The following TTC28 variants were observed in gnomAD, a reference collection of about 807,000 sequenced individuals.
TTC28 encodes tetratricopeptide repeat protein 28.
In TTC28, 61 loss-of-function variants were observed where a neutral mutation model predicts 198.0. That is an observed-to-expected ratio of 0.31 (90% confidence interval 0.25 to 0.38). The LOEUF is 0.38. Ranked by LOEUF, TTC28 falls within the 10% of genes least tolerant of loss-of-function variation. The pLI is 1.00. For missense variants in TTC28, 2,678 were observed against 3,164.0 expected (o/e 0.85, Z 3.69); for synonymous variants, 1,171 against 1,297.8 (o/e 0.90, Z 2.10).
chr22:28,168,002 T>C (rs1015878813), intron 5 of TTC28, among the ~76,000 whole-genome samples: 26 of 152,124 alleles, frequency 1.7e-4, no homozygotes, highest in Middle Eastern at 3.2e-3. Flanking sequence ...TGTGCAAAAA[T>C]CACAAGCATT....
intron 2 of TTC28, among the ~76,000 whole-genome samples, chr22:28,526,567 T>G (rs2049007998): frequency 6.6e-6 from 1 of 152,096 alleles, no homozygotes; most frequent in Non-Finnish European, 1.5e-5. Context: ...AGAACCTAAG[T>G]AGAACGCCCA....
chr22:28,530,742 G>A (rs939160196), intron 2 of TTC28, among the ~76,000 whole-genome samples: 3 of 152,180 alleles, frequency 2.0e-5, no homozygotes, highest in Admixed American at 6.5e-5. Flanking sequence ...AGAAGAGAGT[G>A]GGGGCCAATA....
At chr22:28,024,094 T>C (rs1938724232) in intron 13 of TTC28, among the ~76,000 whole-genome samples, 1 of 145,384 alleles carries the variant, frequency 6.9e-6, no homozygotes, top group Non-Finnish European at 1.5e-5. Flanking sequence ...GCTAGGCTCC[T>C]TGGGGATACA....
intron 2 of TTC28, among the ~76,000 whole-genome samples, chr22:28,352,047 T>C (rs2046004448): frequency 6.6e-6 from 1 of 152,156 alleles, no homozygotes; most frequent in African/African-American, 2.4e-5. Flanking sequence ...TTCAGTTCAC[T>C]TTAATTAACA....
At chr22:28,403,755 T>C (rs1212608450) in intron 2 of TTC28, among the ~76,000 whole-genome samples, 2 of 152,300 alleles carry the variant, frequency 1.3e-5, no homozygotes, top group African/African-American at 4.8e-5. Context: ...TGAGAGGCTA[T>C]AGGAGAGTAT....
intron 1 of TTC28, among the ~76,000 whole-genome samples, chr22:28,637,031 C>T (rs1159438023): frequency 2.5e-5 from 3 of 119,126 alleles, no homozygotes; most frequent in Admixed American, 2.1e-4. Context: ...TTTTTTGAGA[C>T]GGAGTCTTGC....
At chr22:28,154,578 G>A (rs1943708171) in intron 6 of TTC28, among the ~76,000 whole-genome samples, 1 of 151,814 alleles carries the variant, frequency 6.6e-6, no homozygotes, top group Non-Finnish European at 1.5e-5. Context: ...GGATGGTCTC[G>A]ACCTCCTGAC....
At chr22:28,444,806 A>C (rs1413242943) in intron 2 of TTC28, among the ~76,000 whole-genome samples, 1 of 152,170 alleles carries the variant, frequency 6.6e-6, no homozygotes, top group Non-Finnish European at 1.5e-5. Context: ...TGACTTAAGC[A>C]CCTATTATTT....
chr22:28,250,712 T>G (rs746715986), intron 5 of TTC28, among the ~76,000 whole-genome samples: 2 of 152,232 alleles, frequency 1.3e-5, no homozygotes, highest in Non-Finnish European at 2.9e-5. Context: ...ACATATTTAG[T>G]ATAGACACAA....
chr22:28,054,378 C>T (rs1940195524), intron 12 of TTC28, among the ~76,000 whole-genome samples: 1 of 152,068 alleles, frequency 6.6e-6, no homozygotes, highest in East Asian at 1.9e-4. Context: ...GCTATGTATG[C>T]CAAACACAAT....
At chr22:28,674,042 G>C (rs2051934860) in intron 1 of TTC28, among the ~76,000 whole-genome samples, 1 of 152,042 alleles carries the variant, frequency 6.6e-6, no homozygotes. Flanking sequence ...TAAAAATAAA[G>C]AGCTTTCAAT....
At chr22:28,493,560 G>A (rs986430569) in intron 2 of TTC28, among the ~76,000 whole-genome samples, 8 of 152,148 alleles carry the variant, frequency 5.3e-5, no homozygotes, top group Admixed American at 5.2e-4. Context: ...CAGATGGAAT[G>A]AAATAATTAG....
intron 2 of TTC28, among the ~76,000 whole-genome samples, chr22:28,324,879 G>A (rs1183453739): frequency 2.0e-5 from 3 of 152,218 alleles, no homozygotes. Flanking sequence ...AGTGTTGGAA[G>A]TTCTGGCCAG....
At chr22:28,281,837 T>C (rs1170340435) in intron 5 of TTC28, among the ~76,000 whole-genome samples, 1 of 152,214 alleles carries the variant, frequency 6.6e-6, no homozygotes, top group Admixed American at 6.5e-5. Flanking sequence ...TTGCTTGGAA[T>C]CTGTCCTCAT....
At chr22:28,182,179 C>T (rs1394746937) in intron 5 of TTC28, among the ~76,000 whole-genome samples, 1 of 152,112 alleles carries the variant, frequency 6.6e-6, no homozygotes, top group Non-Finnish European at 1.5e-5. Context: ...TGTAACCTAG[C>T]TTCATAAGCA....
At chr22:28,138,103 A>T (rs1943244870) in intron 6 of TTC28, among the ~76,000 whole-genome samples, 1 of 152,086 alleles carries the variant, frequency 6.6e-6, no homozygotes, top group African/African-American at 2.4e-5. Flanking sequence ...TTGAAGGGAG[A>T]TGTGTCAAGG....
intron 2 of TTC28, among the ~76,000 whole-genome samples, chr22:28,557,274 T>TTGCTTTC (rs1275527694): frequency 5.9e-5 from 9 of 152,246 alleles, no homozygotes; most frequent in African/African-American, 2.2e-4. Flanking sequence ...TTTTCTTGTC[T>TTGCTTTC]TGCTTTCTGG....
intron 6 of TTC28, among the ~76,000 whole-genome samples, chr22:28,112,740 A>G (rs1189853343): frequency 6.6e-6 from 1 of 152,164 alleles, no homozygotes; most frequent in Non-Finnish European, 1.5e-5. Flanking sequence ...TCGAGACCAC[A>G]GCTTGATTTT....
chr22:28,111,908 C>T (rs1336402265), intron 6 of TTC28, among the ~76,000 whole-genome samples: 3 of 152,104 alleles, frequency 2.0e-5, no homozygotes, highest in Non-Finnish European at 4.4e-5. Flanking sequence ...CTTGGACGCT[C>T]CCCACTTCTC....
Sources: allele counts gnomAD v4.1 joint callset (sites outside exome capture counted in the v4.1 genomes callset), GRCh38; gene constraint gnomAD v4.1.1; transcripts MANE v1.5; gene names NCBI Gene and HGNC (gene_info 2026-07-23, HGNC 2026-07-21).